Variants in ADH1A observed in about 807,000 individuals in gnomAD.
ADH1A encodes the protein alcohol dehydrogenase 1A (class I), alpha polypeptide, also known as alcohol dehydrogenase 1A.
A neutral mutation model predicts 35.2 loss-of-function variants in ADH1A; 29 were observed. The ratio of observed to expected loss-of-function variants is 0.82; its 90% CI spans 0.61 to 1.12. The LOEUF is 1.12. ADH1A is among the 50% of genes most tolerant of loss of function. The pLI is 0.00. For missense variants in ADH1A, 469 were observed against 464.7 expected (o/e 1.01, Z -0.09); for synonymous variants, 147 against 164.8 (o/e 0.89, Z 0.83).
chr4:99,287,746 A>G (rs2110611829), intron 1 of ADH1A, 81 bp from the exon 2 acceptor site: 1 of 1,478,794 alleles, frequency 6.8e-7, no homozygotes, highest in Non-Finnish European at 9.4e-7. Context: ...CTTTGTACAT[A>G]CAACATCTAA....
intron 6 of ADH1A, 40 bp downstream of exon 6, chr4:99,282,306 T>C (rs1203428243): frequency 6.2e-7 from 1 of 1,614,110 alleles, no homozygotes; most frequent in Admixed American, 1.7e-5. Context: ...ATCCTCCAAG[T>C]TGTAGAGGCA....
At chr4:99,279,359 A>G in intron 8 of ADH1A, 67 bp downstream of exon 8, 2 of 1,519,590 alleles carry the variant, frequency 1.3e-6, no homozygotes, top group Non-Finnish European at 1.8e-6. Flanking sequence ...CCACCTTTTC[A>G]TTTTCTGCTA....
intron 8 of ADH1A, among the ~76,000 whole-genome samples, 196 bp downstream of exon 8, chr4:99,279,230 A>G (rs1035621269): frequency 2.0e-5 from 3 of 152,102 alleles, no homozygotes; most frequent in African/African-American, 7.2e-5. Flanking sequence ...GCACAATAGG[A>G]AATGCAAAGC....
At chr4:99,289,134 G>C (rs1395997111) in intron 1 of ADH1A, among the ~76,000 whole-genome samples, 1 of 152,008 alleles carries the variant, frequency 6.6e-6, no homozygotes, top group African/African-American at 2.4e-5. Context: ...TGCTGCAAAG[G>C]CCATTATTTT....
chr4:99,276,919 G>A (rs1315165621), intron 8 of ADH1A, among the ~76,000 whole-genome samples: 1 of 152,006 alleles, frequency 6.6e-6, no homozygotes, highest in East Asian at 1.9e-4. Flanking sequence ...AAAAATCATT[G>A]TTGTGTGCCC....
chr4:99,287,535 T>G (rs1041581072), intron 2 of ADH1A, 29 bp downstream of exon 2: 89 of 1,595,576 alleles, frequency 5.6e-5, no homozygotes, highest in Non-Finnish European at 7.6e-5. Context: ...TTTTTAAAAC[T>G]TAAATACAAA....
intron 8 of ADH1A, 62 bp from the exon 9 acceptor site, chr4:99,276,710 A>G: frequency 6.8e-7 from 1 of 1,480,454 alleles, no homozygotes. Context: ...TGAGAGTCCA[A>G]GGAGCATTTG....
intron 2 of ADH1A, 141 bp from the exon 3 acceptor site, chr4:99,287,129 A>G: frequency 9.2e-7 from 1 of 1,082,846 alleles, no homozygotes; most frequent in Non-Finnish European, 1.3e-6. Flanking sequence ...TGAAAGATTC[A>G]GTTTATCCTC....
chr4:99,285,333 T>C (rs1733121303), intron 3 of ADH1A, among the ~76,000 whole-genome samples: 1 of 152,144 alleles, frequency 6.6e-6, no homozygotes, highest in South Asian at 2.1e-4. Flanking sequence ...ATCTCAGTTC[T>C]TTTTTTGAGG....
Position 99,276,616 on chromosome 4 carries a change from G to A in ADH1A, c.*8C>T. ...AAGACTGCCACAAGGGAAAACATCT[G>A]TATTGTCTCAAAACATCAGAATGGT... On this transcript the variant is annotated 3_prime_UTR_variant, in exon 9 of 9. Transcript: ENST00000209668. The A allele has an allele frequency of 6.2e-7, 1 of 1,611,236 alleles. No individual in the cohort carries two copies. The highest frequency in any genetic ancestry group is 1.3e-5 in the African/African-American group (1 of 74,972).
intron 3 of ADH1A, 27 bp downstream of exon 3, chr4:99,286,823 C>A (rs746307780): frequency 2.5e-6 from 4 of 1,611,252 alleles, no homozygotes; most frequent in Non-Finnish European, 3.4e-6. Flanking sequence ...GGTGAACCAT[C>A]ATGTTTCCTG....
intron 5 of ADH1A, 53 bp from the exon 6 acceptor site, chr4:99,282,659 TG>T (rs1449522438): frequency 2.0e-5 from 31 of 1,572,840 alleles, no homozygotes; most frequent in Non-Finnish European, 2.6e-5. Context: ...TAAAGTGCCA[TG>T]CTTAGTGTTT....
At chr4:99,289,504 A>G (rs886121312) in intron 1 of ADH1A, among the ~76,000 whole-genome samples, 1 of 152,204 alleles carries the variant, frequency 6.6e-6, no homozygotes, top group Non-Finnish European at 1.5e-5. Flanking sequence ...AACAATAATA[A>G]TAGTGGCTAA....
At chr4:99,287,418 TA>T in intron 2 of ADH1A, 145 bp downstream of exon 2, 8 of 808,630 alleles carry the variant, frequency 9.9e-6, no homozygotes, top group Non-Finnish European at 1.5e-5. Context: ...TGCACTTTTT[TA>T]AAATTTAAAA....
At chr4:99,283,981 T>G (rs1452606325) in intron 5 of ADH1A, among the ~76,000 whole-genome samples, 1 of 152,056 alleles carries the variant, frequency 6.6e-6, no homozygotes, top group Non-Finnish European at 1.5e-5. Context: ...ATTCTGGGAG[T>G]AGAGGATCCA....
intron 5 of ADH1A, among the ~76,000 whole-genome samples, chr4:99,283,337 A>G (rs1276153587): frequency 6.6e-6 from 1 of 152,230 alleles, no homozygotes; most frequent in African/African-American, 2.4e-5. Context: ...AGAAATTTGG[A>G]AAAGATGCCA....
chr4:99,289,168 G>A (rs1056392996), intron 1 of ADH1A, among the ~76,000 whole-genome samples: 1 of 152,136 alleles, frequency 6.6e-6, no homozygotes, highest in African/African-American at 2.4e-5. Context: ...TAATGGCTGA[G>A]TAGTATTCCA....
At chr4:99,286,523 C>A (rs1335640542) in intron 3 of ADH1A, 1 of 264,376 alleles carries the variant, frequency 3.8e-6, no homozygotes, top group African/African-American at 2.2e-5. Flanking sequence ...TGTTCACCAA[C>A]ACTAACACGG....
At chr4:99,286,575 C>T (rs1195205693) in intron 3 of ADH1A, 1 of 421,728 alleles carries the variant, frequency 2.4e-6, no homozygotes, top group Non-Finnish European at 4.2e-6. Context: ...GGCACTGTGT[C>T]CCTTTTGATC....
Sources: gnomAD v4.1 joint callset for allele counts (sites outside exome capture counted in the v4.1 genomes callset) on GRCh38, gnomAD v4.1.1 for gene constraint, MANE v1.5 for transcripts, NCBI Gene and HGNC (gene_info 2026-07-23, HGNC 2026-07-21) for gene names.